The following DTWD2 variants were observed in gnomAD, a reference collection of about 807,000 sequenced individuals.
The protein encoded by DTWD2 is DTW motif tRNA-uridine aminocarboxypropyltransferase 2.
A neutral mutation model predicts 31.8 loss-of-function variants in DTWD2; 39 were observed. That is an observed-to-expected ratio of 1.22 (90% CI 0.95 to 1.60). DTWD2 has a LOEUF of 1.60. Among genes scored for constraint, DTWD2 ranks in the 40% most tolerant of loss-of-function variants. The pLI is 0.00. For missense variants in DTWD2, 515 were observed against 381.5 expected (o/e 1.35, Z -2.92); for synonymous variants, 180 against 142.8 (o/e 1.26, Z -1.86).
chr5:118,947,295 G>A (rs374580528), intron 1 of DTWD2, among the ~76,000 whole-genome samples: 1 of 152,118 alleles, frequency 6.6e-6, no homozygotes, highest in East Asian at 1.9e-4. Flanking sequence ...GCTCTTGTTC[G>A]GCGTCCAGTA....
At chr5:118,856,481 A>C (rs1490832277) in intron 4 of DTWD2, among the ~76,000 whole-genome samples, 2 of 152,208 alleles carry the variant, frequency 1.3e-5, no homozygotes, top group Non-Finnish European at 1.5e-5. Flanking sequence ...CTAGAAGTAC[A>C]AGAGTGTCAC....
Position 118,848,139 on chromosome 5 carries a change from C to T in DTWD2, c.677G>A (p.Cys226Tyr). ...CAAGATGGAAAGAGCAACAGCTGCA[C>T]ACTCCAGTGTAGAAAGGCATCTATT... ...PTNRCLSTLE[C>Y]AAVALSILEK... Residue 226 changes from cysteine (C) to tyrosine (Y), a missense_variant, in exon 5 of 6, where the codon TGT becomes TAT. Cys to Tyr is a radical substitution (Grantham distance 194, BLOSUM62 -2). Coordinates refer to ENST00000510708, the MANE Select transcript of DTWD2 (RefSeq NM_173666.4). 6.2e-7 allele frequency: 1 copy of T among 1,603,226 alleles called. No homozygotes were observed. Among genetic ancestry groups the T allele is most frequent in the Non-Finnish European group, 8.5e-7 (1 of 1,175,272 alleles).
At chr5:118,954,112 A>T (rs768741118) in intron 1 of DTWD2, among the ~76,000 whole-genome samples, 6 of 152,122 alleles carry the variant, frequency 3.9e-5, no homozygotes, top group Non-Finnish European at 7.4e-5. Flanking sequence ...CTCTACTAAA[A>T]ATTTAAAAAT....
chr5:118,952,273 C>T (rs1431592962), intron 1 of DTWD2, among the ~76,000 whole-genome samples: 1 of 152,148 alleles, frequency 6.6e-6, no homozygotes, highest in African/African-American at 2.4e-5. Context: ...CCAAATGTTT[C>T]GACACCAAAT....
At chr5:118,960,291 G>A (rs1754677480) in intron 1 of DTWD2, among the ~76,000 whole-genome samples, 1 of 151,996 alleles carries the variant, frequency 6.6e-6, no homozygotes, top group South Asian at 2.1e-4. Flanking sequence ...TTTTCAAAAT[G>A]AGACATATAT....
At chr5:118,923,215 CT>C (rs143289271) in intron 4 of DTWD2, among the ~76,000 whole-genome samples, 3,290 of 152,232 alleles carry the variant, frequency 0.022, 118 homozygotes, top group African/African-American at 0.075. Flanking sequence ...AGCTCTCCCC[CT>C]AACCACTAGG....
chr5:118,946,844 G>A (rs529830281), intron 1 of DTWD2, among the ~76,000 whole-genome samples: 86 of 152,112 alleles, frequency 5.7e-4, no homozygotes, highest in African/African-American at 2.0e-3. Flanking sequence ...GGATTCAATC[G>A]ATTCTCGTGT....
chr5:118,851,360 T>C (rs1752000179), intron 4 of DTWD2, among the ~76,000 whole-genome samples: 1 of 151,806 alleles, frequency 6.6e-6, no homozygotes, highest in African/African-American at 2.4e-5. Flanking sequence ...GAATTTTACA[T>C]CTGGGCCGCC....
intron 4 of DTWD2, among the ~76,000 whole-genome samples, chr5:118,899,778 A>AT (rs1173044830): frequency 2.6e-5 from 4 of 151,182 alleles, no homozygotes; most frequent in Non-Finnish European, 4.4e-5. Flanking sequence ...ATTGAATCAT[A>AT]TAAGTCATAC....
At chr5:118,968,637 C>G (rs1273446248) in intron 1 of DTWD2, among the ~76,000 whole-genome samples, 4 of 152,316 alleles carry the variant, frequency 2.6e-5, no homozygotes, top group African/African-American at 9.6e-5. Flanking sequence ...GGAGATCCCC[C>G]CCTGAGCCCA....
At chr5:118,949,398 T>C (rs1754409274) in intron 1 of DTWD2, among the ~76,000 whole-genome samples, 1 of 151,448 alleles carries the variant, frequency 6.6e-6, no homozygotes, top group South Asian at 2.1e-4. Context: ...AACAGAAAAA[T>C]GGGTTGTGGA....
chr5:118,875,096 A>G (rs1370298949), intron 4 of DTWD2, among the ~76,000 whole-genome samples: 1 of 152,158 alleles, frequency 6.6e-6, no homozygotes, highest in Non-Finnish European at 1.5e-5. Context: ...CCAGAATTTC[A>G]TAACTACCAA....
rs540200373 is a variant in DTWD2, at chr5:118,875,822, G to T, written c.598-27604C>A. On this transcript the variant is annotated intron_variant, in intron 4 of 5. Coordinates refer to ENST00000510708, the MANE Select transcript of DTWD2 (RefSeq NM_173666.4). ...CAGATCAAGACAAAAAACTAACAAAGATATTAAGGACCTGAACTCAGCACT... is the reference window on the plus strand; with the variant it reads ...CAGATCAAGACAAAAAACTAACAAATATATTAAGGACCTGAACTCAGCACT... Among the ~76,000 whole-genome samples the T allele has an allele frequency of 2.0e-5, 3 of 152,232 alleles. No homozygotes were observed. The South Asian group carries it at 6.2e-4, about 32-fold the overall frequency.
intron 4 of DTWD2, among the ~76,000 whole-genome samples, chr5:118,908,670 G>A (rs1473337): frequency 0.094 from 13,424 of 142,526 alleles, 1,802 homozygotes; most frequent in African/African-American, 0.3. Context: ...AAAAAAAAAA[G>A]AAACCAACTC....
At chr5:118,955,469 T>C (rs1353630006) in intron 1 of DTWD2, among the ~76,000 whole-genome samples, 1 of 152,182 alleles carries the variant, frequency 6.6e-6, no homozygotes, top group Admixed American at 6.6e-5. Flanking sequence ...CTCTAGAAGG[T>C]TTAAATATTT....
intron 4 of DTWD2, among the ~76,000 whole-genome samples, chr5:118,885,767 T>A (rs528443364): frequency 1.4e-5 from 2 of 144,940 alleles, no homozygotes; most frequent in Admixed American, 6.9e-5. Flanking sequence ...ACTCTGTATT[T>A]AAAAAAAAAA....
intron 1 of DTWD2, chr5:118,974,138 G>T (rs1015026813): frequency 3.8e-5 from 59 of 1,559,524 alleles, no homozygotes; most frequent in Non-Finnish European, 5.0e-5. Flanking sequence ...AGCAAAAAAG[G>T]AAAAGTTAAA....
rs923658626 is a variant in DTWD2 at position 118,974,095 on chromosome 5, C to G, written c.218+14199G>C. On this transcript the variant is annotated intron_variant, in intron 1 of 5. Coordinates refer to ENST00000510708, the MANE Select transcript of DTWD2 (RefSeq NM_173666.4). ...ATGATGAGGATGACGATGTCGATACCAAGAAGCAGAAGACCGACGAGGATG... is the reference window on the plus strand; with the variant it reads ...ATGATGAGGATGACGATGTCGATACGAAGAAGCAGAAGACCGACGAGGATG... 2.1e-5 allele frequency: 33 copies of G among 1,597,548 alleles called. No homozygotes were observed. The African/African-American group carries it at 4.0e-4, about 19-fold the overall frequency.
At chr5:118,929,912 C>T (rs187119347) in intron 3 of DTWD2, among the ~76,000 whole-genome samples, 20 of 152,264 alleles carry the variant, frequency 1.3e-4, no homozygotes, top group Non-Finnish European at 2.6e-4. Context: ...GCTATCGGTG[C>T]GGTTTCATCT....
Sources: gnomAD v4.1 joint callset for allele counts (sites outside exome capture counted in the v4.1 genomes callset) on GRCh38, gnomAD v4.1.1 for gene constraint, MANE v1.5 for transcripts, NCBI Gene and HGNC (gene_info 2026-07-23, HGNC 2026-07-21) for gene names.